Variants in BRD7 observed in about 807,000 individuals in gnomAD.
BRD7 encodes bromodomain containing 7.
A neutral mutation model predicts 82.1 loss-of-function variants in BRD7; 15 were observed. That is an observed-to-expected ratio of 0.18 (90% CI 0.12 to 0.28). The LOEUF is 0.28. Among genes scored for constraint, BRD7 ranks in the 10% least tolerant of loss-of-function variants. The probability of loss-of-function intolerance (pLI) is 1.00; values close to 1 mark genes in which losing one functional copy is unlikely to be tolerated. For missense variants in BRD7, 638 were observed against 779.9 expected, an observed-to-expected ratio of 0.82 and a Z score of 2.17; for synonymous variants, 232 against 266.9, an observed-to-expected ratio of 0.87 and a Z score of 1.27.
chr16:50,355,450 G>A (rs185134707), intron 2 of BRD7, among the ~76,000 whole-genome samples: 3 of 152,204 alleles, frequency 2.0e-5, no homozygotes, highest in Non-Finnish European at 4.4e-5. Context: ...AAGATGATAC[G>A]TCTTACCAGA....
intron 8 of BRD7, among the ~76,000 whole-genome samples, chr16:50,330,971 T>C (rs898156003): frequency 6.6e-6 from 1 of 152,026 alleles, no homozygotes; most frequent in African/African-American, 2.4e-5. Context: ...TAAAGAAAAA[T>C]GTATTTTTGG....
rs1047462936 is a variant in BRD7, at chr16:50,347,459, G to T, written c.591+2564C>A. On this transcript the variant is annotated intron_variant, in intron 5 of 16. Coordinates refer to ENST00000394688, the MANE Select transcript of BRD7 (RefSeq NM_013263.5). ...AAAGGGTATTCAATTAGGAAAAGAGGAAGTCAAATTGTCCCTGTTTGCAGA... is the reference window on the plus strand; with the variant it reads ...AAAGGGTATTCAATTAGGAAAAGAGTAAGTCAAATTGTCCCTGTTTGCAGA... Among the ~76,000 whole-genome samples, 241 of 152,236 alleles carry T rather than the reference G, an allele frequency of 1.6e-3. 2 individuals carry two copies. Among genetic ancestry groups the T allele is most frequent in the Non-Finnish European group, 4.3e-4 (29 of 68,010 alleles).
intron 5 of BRD7, among the ~76,000 whole-genome samples, chr16:50,343,661 G>A (rs1032791725): frequency 6.6e-6 from 1 of 152,180 alleles, no homozygotes; most frequent in African/African-American, 2.4e-5. Flanking sequence ...TATATCCCGC[G>A]CATGGCTCAG....
intron 6 of BRD7, 103 bp downstream of exon 6, chr16:50,339,873 T>TA (rs779542784): frequency 5.4e-6 from 3 of 550,886 alleles, no homozygotes. Flanking sequence ...TATAACCTGC[T>TA]AATAAAATAA....
rs940040972 is a variant in BRD7, at chr16:50,317,672, AACTG to A, written c.*1535_*1538del. 1 of 152,338 alleles carries A rather than the reference AACTG, an allele frequency of 6.6e-6. No individual in the cohort carries two copies. Among genetic ancestry groups the A allele is most frequent in the African/African-American group, 2.4e-5 (1 of 41,434 alleles). The allele number at this position is 152,338 out of a possible 1,614,324, so 9.4% of individuals were successfully genotyped here. A position where few individuals can be genotyped will look rare whatever the true frequency, so the allele number is the denominator to read the frequency against. ...TTTCAGTGTTCAGGTTATAGAATAT[AACTG>A]ACCATAAAAATTACCTGCAGGTATT... On this transcript the variant is annotated 3_prime_UTR_variant, in exon 17 of 17. Transcript: ENST00000394688.
chr16:50,359,275 T>C (rs2038853083), intron 2 of BRD7, among the ~76,000 whole-genome samples: 1 of 152,228 alleles, frequency 6.6e-6, no homozygotes, highest in Non-Finnish European at 1.5e-5. Context: ...AAAGCTATGA[T>C]ATGGATAAAC....
In BRD7 at chr16:50,322,911, G is replaced by A. The variant is rs531027102; in HGVS notation, c.1443+676C>T. Among the ~76,000 whole-genome samples the A allele has an allele frequency of 5.3e-4, 80 of 152,334 alleles. 1 individual carries two copies. The South Asian group carries it at 0.016, about 31-fold the overall frequency. On this transcript the variant is annotated intron_variant, in intron 12 of 16. Coordinates refer to ENST00000394688, the MANE Select transcript of BRD7 (RefSeq NM_013263.5). The stretch of plus-strand genomic sequence containing the variant: ...CCGAGGCACTAACCTCAGCTCTGCT[G>A]ACAGGTCACCCAGCAACCATATGTG...
intron 5 of BRD7, among the ~76,000 whole-genome samples, chr16:50,343,653 T>C (rs930866383): frequency 2.0e-5 from 3 of 152,204 alleles, no homozygotes; most frequent in South Asian, 2.1e-4. Flanking sequence ...CACCAGATTA[T>C]ATCCCGCGCA....
In BRD7 at chr16:50,356,355, A is replaced by T. The variant is rs190315337; in HGVS notation, c.259-1433T>A. Among the ~76,000 whole-genome samples the T allele has an allele frequency of 1.9e-3, 296 of 152,336 alleles. 3 individuals are homozygous for T. The highest frequency in any genetic ancestry group is 5.8e-3 in the African/African-American group (241 of 41,582). ...GAGACTTGTAAGAGATTACTGCAGCATTGTTTAAAATAGTAAAAAATAGGA... is the reference window on the plus strand; with the variant it reads ...GAGACTTGTAAGAGATTACTGCAGCTTTGTTTAAAATAGTAAAAAATAGGA... On this transcript the variant is annotated intron_variant, in intron 2 of 16. Transcript: ENST00000394688.
At chr16:50,338,307 G>C (rs2037902034) in intron 6 of BRD7, among the ~76,000 whole-genome samples, 1 of 152,142 alleles carries the variant, frequency 6.6e-6, no homozygotes, top group Non-Finnish European at 1.5e-5. Flanking sequence ...CAAGTCTTTA[G>C]GAAAGGGTGG....
intron 3 of BRD7, 119 bp downstream of exon 3, chr16:50,354,674 A>C (rs1036152409): frequency 4.1e-5 from 57 of 1,396,950 alleles, no homozygotes; most frequent in Non-Finnish European, 5.3e-5. Flanking sequence ...AGTTTGAGAG[A>C]AAAAACTTAA....
rs992867202 is a variant in BRD7, at chr16:50,368,914, G to C, written c.-140C>G. 2 of 343,258 alleles carry C rather than the reference G, an allele frequency of 5.8e-6. No homozygotes were observed. The highest frequency in any genetic ancestry group is 8.1e-6 in the Non-Finnish European group (2 of 245,634). The allele number at this position is 343,258 out of a possible 1,614,324, so 21.3% of individuals were successfully genotyped here. On this transcript the variant is annotated 5_prime_UTR_variant, in exon 1 of 17. Coordinates refer to ENST00000394688, the MANE Select transcript of BRD7 (RefSeq NM_013263.5). The stretch of plus-strand genomic sequence containing the variant: ...GCGAGGCAGGGGGGCGGCGCGCGCC[G>C]GGCGGCGCGATGCCCCTCTCGAGAA...
intron 2 of BRD7, among the ~76,000 whole-genome samples, chr16:50,359,262 G>A (rs1044003730): frequency 7.2e-5 from 11 of 152,208 alleles, no homozygotes; most frequent in African/African-American, 2.7e-4. Flanking sequence ...ACTAGTAGGT[G>A]ACAAAGCTAT....
intron 8 of BRD7, 39 bp downstream of exon 8, chr16:50,333,535 A>G (rs1219336834): frequency 1.3e-6 from 2 of 1,596,880 alleles, no homozygotes; most frequent in African/African-American, 2.7e-5. Context: ...GATGCCCCAA[A>G]TCAGTAGGTA....
At chr16:50,346,279 G>C (rs1021922235) in intron 5 of BRD7, among the ~76,000 whole-genome samples, 1 of 152,112 alleles carries the variant, frequency 6.6e-6, no homozygotes. Context: ...AGTGTGTAGA[G>C]GGAAATTTAT....
At chr16:50,347,072 T>C (rs543191654) in intron 5 of BRD7, among the ~76,000 whole-genome samples, 8 of 152,298 alleles carry the variant, frequency 5.3e-5, no homozygotes, top group African/African-American at 1.2e-4. Context: ...ACGATCAAGT[T>C]GGCTTCATCC....
chr16:50,363,805 A>T (rs1281595362), intron 2 of BRD7, among the ~76,000 whole-genome samples: 1 of 152,136 alleles, frequency 6.6e-6, no homozygotes, highest in African/African-American at 2.4e-5. Context: ...TTGTAATCCT[A>T]GTACTTTTGG....
At chr16:50,359,319 T>C (rs2038855303) in intron 2 of BRD7, among the ~76,000 whole-genome samples, 1 of 152,230 alleles carries the variant, frequency 6.6e-6, no homozygotes, top group African/African-American at 2.4e-5. Context: ...GGATAAACTA[T>C]ATAATTTTTT....
rs2036860290 is a variant in BRD7, at chr16:50,317,538, A to G, written c.*1673T>C. 6.6e-6 allele frequency: 1 copy of G among 152,362 alleles called. No individual in the cohort carries two copies. The highest frequency in any genetic ancestry group is 6.5e-5 in the Admixed American group (1 of 15,284). 9.4% of individuals were successfully genotyped at this position (152,362 alleles called of 1,614,324 possible). On this transcript the variant is annotated 3_prime_UTR_variant, in exon 17 of 17. Coordinates refer to ENST00000394688, the MANE Select transcript of BRD7 (RefSeq NM_013263.5). Reference sequence around the variant, plus strand: ...AGTAACAACAGAAACCCCAGTTGGGAGTTTAACAAATAACTGACTACCACT... The same window carrying G: ...AGTAACAACAGAAACCCCAGTTGGGGGTTTAACAAATAACTGACTACCACT...
Sources: gnomAD v4.1 joint callset for allele counts (sites outside exome capture counted in the v4.1 genomes callset) on GRCh38, gnomAD v4.1.1 for gene constraint, MANE v1.5 for transcripts, NCBI Gene and HGNC (gene_info 2026-07-23, HGNC 2026-07-21) for gene names.